The following SLC22A24 variants were observed in gnomAD, a reference collection of about 807,000 sequenced individuals.
The protein encoded by SLC22A24 is solute carrier family 22 member 24.
Under a neutral mutation model 49.8 loss-of-function variants are expected in SLC22A24, and 53 were observed. The observed-to-expected ratio is 1.06, with a 90% CI of 0.85 to 1.34. The LOEUF (loss-of-function observed/expected upper bound fraction) is 1.34. Ranked by LOEUF, SLC22A24 falls within the 40% of genes most tolerant of loss-of-function variation. The pLI is 0.00. For synonymous variants in SLC22A24, 302 were observed against 256.4 expected, an observed-to-expected ratio of 1.18 and a Z score of -1.70; for missense variants, 786 against 675.9, an observed-to-expected ratio of 1.16 and a Z score of -1.81.
At chr11:63,102,130 G>C (rs1278021940) in intron 5 of SLC22A24, among the ~76,000 whole-genome samples, 1 of 152,060 alleles carries the variant, frequency 6.6e-6, no homozygotes, top group Admixed American at 6.6e-5. Context: ...ATAACTGCTT[G>C]AGATCATAGA....
intron 4 of SLC22A24, among the ~76,000 whole-genome samples, chr11:63,109,318 TG>T (rs2087145465): frequency 6.8e-6 from 1 of 146,730 alleles, no homozygotes; most frequent in Admixed American, 6.9e-5. Context: ...CATGTGCATG[TG>T]TCTTTATAGC....
At chr11:63,136,087 G>A (rs1020120870) in intron 1 of SLC22A24, among the ~76,000 whole-genome samples, 1 of 152,158 alleles carries the variant, frequency 6.6e-6, no homozygotes, top group African/African-American at 2.4e-5. Flanking sequence ...AAACATCATT[G>A]TTTTGAAGTG....
chr11:63,084,159 G>C (rs925819963), intron 6 of SLC22A24, among the ~76,000 whole-genome samples: 1 of 152,168 alleles, frequency 6.6e-6, no homozygotes, highest in Non-Finnish European at 1.5e-5. Context: ...CCTTACCTTA[G>C]TGAGGCTGCA....
intron 5 of SLC22A24, among the ~76,000 whole-genome samples, chr11:63,101,995 T>G (rs928401787): frequency 1.6e-4 from 24 of 151,976 alleles, no homozygotes; most frequent in Non-Finnish European, 7.4e-5. Flanking sequence ...AAAATATAGT[T>G]AGATAAATTG....
At position 63,102,808 on chromosome 11, in the gene SLC22A24, G is replaced by T. The variant is rs144711010; in HGVS notation, c.954+1367C>A. ...GAGACCTAATCAAGGAACTTCTAAC[G>T]TTTGCCTGGCTGCACTTCATAATTG... On this transcript the variant is annotated intron_variant, in intron 5 of 9. Coordinates refer to ENST00000612278, the MANE Select transcript of SLC22A24 (RefSeq NM_001136506.2). 1.3e-4 allele frequency among the ~76,000 whole-genome samples: 20 copies of T among 152,190 alleles called. 1 individual carries two copies. Among genetic ancestry groups the T allele is most frequent in the African/African-American group, 4.6e-4 (19 of 41,530 alleles).
At chr11:63,131,381 T>C (rs1389004933) in intron 2 of SLC22A24, among the ~76,000 whole-genome samples, 3 of 152,212 alleles carry the variant, frequency 2.0e-5, no homozygotes, top group Admixed American at 1.3e-4. Context: ...GTCAATGGTC[T>C]TTACAATTTG....
Position 63,100,671 on chromosome 11 carries a change from G to A in SLC22A24, c.954+3504C>T, listed in dbSNP as rs557357118. 2.6e-4 allele frequency among the ~76,000 whole-genome samples: 39 copies of A among 152,150 alleles called. No individual in the cohort carries two copies. In the East Asian group the frequency reaches 6.7e-3, roughly 26 times the overall value. On this transcript the variant is annotated intron_variant, in intron 5 of 9. Coordinates refer to ENST00000612278, the MANE Select transcript of SLC22A24 (RefSeq NM_001136506.2). ...TGGCTCTAAATTATACTACAGAGCTGTAACTACCAAAACAGCATGGTACTG... is the reference window on the plus strand; with the variant it reads ...TGGCTCTAAATTATACTACAGAGCTATAACTACCAAAACAGCATGGTACTG...
chr11:63,090,259 G>C (rs935735662), intron 6 of SLC22A24, among the ~76,000 whole-genome samples: 1 of 151,790 alleles, frequency 6.6e-6, no homozygotes, highest in Admixed American at 6.6e-5. Flanking sequence ...CACAATAATA[G>C]TGGGAGACTT....
chr11:63,102,329 G>C, intron 5 of SLC22A24, among the ~76,000 whole-genome samples: 1 of 152,008 alleles, frequency 6.6e-6, no homozygotes, highest in African/African-American at 2.4e-5. Flanking sequence ...AAAGATAAAA[G>C]AGTCAGTGTA....
At chr11:63,112,440 G>T (rs2087172725) in intron 4 of SLC22A24, among the ~76,000 whole-genome samples, 1 of 152,130 alleles carries the variant, frequency 6.6e-6, no homozygotes, top group South Asian at 2.1e-4. Context: ...GTCTAATGTT[G>T]ATAGTGGGGT....
intron 1 of SLC22A24, among the ~76,000 whole-genome samples, chr11:63,138,636 T>G (rs1162352556): frequency 2.7e-5 from 2 of 73,584 alleles, no homozygotes; most frequent in African/African-American, 1.2e-4. Context: ...AGCAAGACTC[T>G]GTCTCAAAAA....
At chr11:63,093,410 C>A (rs980276081) in intron 6 of SLC22A24, among the ~76,000 whole-genome samples, 2 of 152,028 alleles carry the variant, frequency 1.3e-5, no homozygotes, top group Non-Finnish European at 2.9e-5. Flanking sequence ...TATTGCAGCA[C>A]TATTTATAAT....
At chr11:63,094,616 G>A (rs375284425) in intron 6 of SLC22A24, among the ~76,000 whole-genome samples, 43 of 152,154 alleles carry the variant, frequency 2.8e-4, no homozygotes, top group African/African-American at 8.7e-4. Context: ...AAGTGTTCCT[G>A]TTTCTCCACA....
chr11:63,116,902 T>C (rs1440656763), intron 4 of SLC22A24, among the ~76,000 whole-genome samples: 1 of 152,220 alleles, frequency 6.6e-6, no homozygotes, highest in Admixed American at 6.5e-5. Context: ...ATTTCAACTC[T>C]AGAATTTCTA....
Position 63,083,262 on chromosome 11 carries a change from G to T in SLC22A24, c.1266C>A (p.Val422=), listed in dbSNP as rs1364708161. 8 of 1,556,666 alleles carry T rather than the reference G, an allele frequency of 5.1e-6. No homozygotes were observed. Among genetic ancestry groups the T allele is most frequent in the Non-Finnish European group, 7.0e-6 (8 of 1,149,292 alleles). Residue 422 remains valine, a synonymous_variant, in exon 7 of 10, where the codon GTC becomes GTA. Coordinates refer to ENST00000612278, the MANE Select transcript of SLC22A24 (RefSeq NM_001136506.2). ...TCTCACCTTGGGGCAAAAAGGTGTTGACCAGAATGAAAAGTCCCACCGGGA... is the reference window on the plus strand; with the variant it reads ...TCTCACCTTGGGGCAAAAAGGTGTTTACCAGAATGAAAAGTCCCACCGGGA... The part of the protein sequence containing the change: ...FTFPVGLFIL[V]NTFLPQEMQI...
rs777640983 is a variant in SLC22A24, at chr11:63,119,225, G to T, written c.617C>A (p.Ala206Glu). ...CAAAATAGTCATGGTGGAGAACCCT[G>T]CCAAGAAGCGCAGTATGCAGTAAAC... ...FLVYCILRFL[A>E]GFSTMTILGN... Residue 206 changes from alanine (A) to glutamate (E), a missense_variant, in exon 3 of 10, where the codon GCA becomes GAA. Coordinates refer to ENST00000612278, the MANE Select transcript of SLC22A24 (RefSeq NM_001136506.2). 52 of 1,550,298 alleles carry T rather than the reference G, an allele frequency of 3.4e-5. No homozygotes were observed. The highest frequency in any genetic ancestry group is 4.4e-5 in the Non-Finnish European group (51 of 1,146,600).
At chr11:63,115,217 C>T (rs2087203271) in intron 4 of SLC22A24, among the ~76,000 whole-genome samples, 1 of 152,212 alleles carries the variant, frequency 6.6e-6, no homozygotes, top group African/African-American at 2.4e-5. Flanking sequence ...TGGTGGGCTC[C>T]ACCCAGTTCG....
In SLC22A24 at chr11:63,104,211, A is replaced by T; in HGVS notation, c.918T>A (p.Asn306Lys). The T allele has an allele frequency of 6.4e-7, 1 of 1,550,396 alleles. No individual in the cohort carries two copies. Among genetic ancestry groups the T allele is most frequent in the Non-Finnish European group, 8.7e-7 (1 of 1,146,794 alleles). ...LKELRRVAHI[N>K]GKKNTEETLT... ...GTGTCTCTTCAGTATTCTTTTTTCCATTTATGTGTGCAACTCTTCTAAGCT... is the reference window on the plus strand; with the variant it reads ...GTGTCTCTTCAGTATTCTTTTTTCCTTTTATGTGTGCAACTCTTCTAAGCT... The change falls in exon 5 of 10, where the codon AAT becomes AAA. Residue 306 changes from asparagine (N) to lysine (K), a missense_variant. Transcript: ENST00000612278.
chr11:63,127,679 T>G (rs1273644235), intron 2 of SLC22A24, among the ~76,000 whole-genome samples: 2 of 152,196 alleles, frequency 1.3e-5, no homozygotes, highest in African/African-American at 2.4e-5. Context: ...TTCTAGCTGG[T>G]GTGAGATGGT....
Sources: gnomAD v4.1 joint callset for allele counts (sites outside exome capture counted in the v4.1 genomes callset) on GRCh38, gnomAD v4.1.1 for gene constraint, MANE v1.5 for transcripts, NCBI Gene and HGNC (gene_info 2026-07-23, HGNC 2026-07-21) for gene names.